Variants in CCDC88C observed in about 807,000 individuals in gnomAD.
The protein encoded by CCDC88C is coiled-coil and HOOK domain protein 88C.
Under a neutral mutation model 198.8 loss-of-function variants are expected in CCDC88C, and 131 were observed. The ratio of observed to expected loss-of-function variants is 0.66; its 90% CI spans 0.57 to 0.76. The LOEUF is 0.76. Among genes scored for constraint, CCDC88C ranks in the 30% least tolerant of loss-of-function variants. The pLI, the probability that CCDC88C is intolerant of heterozygous loss-of-function variation, is 0.00. For missense variants in CCDC88C, 2,553 were observed against 2,631.6 expected, an observed-to-expected ratio of 0.97 and a Z score of 0.65; for synonymous variants, 1,166 against 1,114.7, an observed-to-expected ratio of 1.05 and a Z score of -0.92.
chr14:91,376,325 A>G (rs545161239), intron 3 of CCDC88C, among the ~76,000 whole-genome samples: 4 of 152,246 alleles, frequency 2.6e-5, no homozygotes, highest in African/African-American at 9.6e-5. Context: ...TTGCACACTC[A>G]TGACTGCCTC....
chr14:91,315,071 C>G (rs757812762), intron 14 of CCDC88C, among the ~76,000 whole-genome samples: 1 of 152,192 alleles, frequency 6.6e-6, no homozygotes, highest in Non-Finnish European at 1.5e-5. Flanking sequence ...TTCTGGCCAA[C>G]GTGACGTCTA....
At chr14:91,312,511 C>T (rs1353315556) in intron 15 of CCDC88C, among the ~76,000 whole-genome samples, 5 of 152,150 alleles carry the variant, frequency 3.3e-5, no homozygotes, top group Admixed American at 6.5e-5. Context: ...GGTGAAAACC[C>T]GTCTCTACTA....
chr14:91,405,812 T>A (rs1464297546), intron 3 of CCDC88C, among the ~76,000 whole-genome samples: 2 of 152,236 alleles, frequency 1.3e-5, no homozygotes, highest in East Asian at 3.8e-4. Flanking sequence ...CAGAACACCG[T>A]CCACATGGAA....
intron 17 of CCDC88C, among the ~76,000 whole-genome samples, chr14:91,307,564 A>G (rs1891612424): frequency 6.6e-6 from 1 of 152,230 alleles, no homozygotes; most frequent in Admixed American, 6.5e-5. Context: ...GGAGGTGAAC[A>G]GGGATGAGGT....
chr14:91,293,158 T>C (rs77218441), intron 23 of CCDC88C, among the ~76,000 whole-genome samples: 354 of 6,214 alleles, frequency 0.057, 3 homozygotes, highest in Middle Eastern at 0.083. Context: ...TCACCTGCCA[T>C]AGCCCACCTT....
At chr14:91,297,519 G>A (rs1891062876) in intron 21 of CCDC88C, 28 bp from the exon 22 acceptor site, 1 of 1,548,674 alleles carries the variant, frequency 6.5e-7, no homozygotes, top group Non-Finnish European at 8.7e-7. Flanking sequence ...ACAGGGCAAA[G>A]GAGCTGAAGA....
At chr14:91,366,472 C>T (rs1894545911) in intron 3 of CCDC88C, among the ~76,000 whole-genome samples, 1 of 151,682 alleles carries the variant, frequency 6.6e-6, no homozygotes, top group Admixed American at 6.6e-5. Context: ...GGCAACAGAG[C>T]AAGACGGTCT....
At chr14:91,378,046 A>T (rs1376875606) in intron 3 of CCDC88C, among the ~76,000 whole-genome samples, 1 of 152,246 alleles carries the variant, frequency 6.6e-6, no homozygotes, top group Non-Finnish European at 1.5e-5. Flanking sequence ...CTGCCACATT[A>T]GAGGAGATAA....
intron 4 of CCDC88C, among the ~76,000 whole-genome samples, chr14:91,354,103 A>ATGG (rs1893932817): frequency 6.6e-6 from 1 of 152,134 alleles, no homozygotes; most frequent in Non-Finnish European, 1.5e-5. Context: ...GGGCTTCTAC[A>ATGG]CCTAAATGGC....
chr14:91,291,085 C>A lies in CCDC88C; in HGVS notation c.4113-1G>T. 6.6e-7 allele frequency: 1 copy of A among 1,510,480 alleles called. No individual in the cohort carries two copies. The highest frequency in any genetic ancestry group is 1.9e-5 in the Admixed American group (1 of 53,230). 93.6% of individuals were successfully genotyped at this position (1,510,480 alleles called of 1,614,324 possible). Reference sequence around the variant, plus strand: ...TCTTCGTAAGGCATTTAATTTGTCTCTGTGAATATAGGAGAAAGAAAACCT... The same window carrying A: ...TCTTCGTAAGGCATTTAATTTGTCTATGTGAATATAGGAGAAAGAAAACCT... On this transcript the variant is annotated splice_acceptor_variant, in intron 23 of 29. Coordinates refer to ENST00000389857, the MANE Select transcript of CCDC88C (RefSeq NM_001080414.4). LOFTEE classifies it high-confidence loss of function.
chr14:91,398,384 G>A (rs960816668), intron 3 of CCDC88C, among the ~76,000 whole-genome samples: 1 of 152,216 alleles, frequency 6.6e-6, no homozygotes, highest in African/African-American at 2.4e-5. Flanking sequence ...TGGCTGGCAT[G>A]GTGGCTCACG....
At chr14:91,364,175 T>C (rs964357315) in intron 3 of CCDC88C, among the ~76,000 whole-genome samples, 1 of 152,232 alleles carries the variant, frequency 6.6e-6, no homozygotes, top group African/African-American at 2.4e-5. Context: ...CACCGGTCCT[T>C]GTGGTCTGAT....
intron 3 of CCDC88C, chr14:91,384,504 T>A: frequency 1.9e-6 from 1 of 523,446 alleles, no homozygotes; most frequent in South Asian, 1.4e-5. Context: ...CTTCTTCCCC[T>A]TCCTCATCTG....
chr14:91,323,081 C>G (rs148799270), intron 12 of CCDC88C, among the ~76,000 whole-genome samples: 8,862 of 151,984 alleles, frequency 0.058, 279 homozygotes, highest in African/African-American at 0.071. Flanking sequence ...AATTTTTGTA[C>G]TTTTAGTAGA....
intron 3 of CCDC88C, among the ~76,000 whole-genome samples, chr14:91,380,958 T>C (rs988123063): frequency 6.6e-6 from 1 of 152,040 alleles, no homozygotes. Context: ...CCGGTAAGGG[T>C]GTAATAGCAT....
At chr14:91,376,817 G>C (rs750524576) in intron 3 of CCDC88C, among the ~76,000 whole-genome samples, 3 of 152,216 alleles carry the variant, frequency 2.0e-5, no homozygotes, top group Admixed American at 6.5e-5. Context: ...GGTAGGAAAG[G>C]ATGTCTGTCT....
chr14:91,300,342 G>A (rs1020897285), intron 20 of CCDC88C, among the ~76,000 whole-genome samples: 8 of 152,282 alleles, frequency 5.3e-5, no homozygotes, highest in East Asian at 1.9e-4. Context: ...TAAAGCAGTC[G>A]CTCTTCCTTT....
Position 91,381,276 on chromosome 14 carries a change from G to T in CCDC88C, c.271-21565C>A, listed in dbSNP as rs1245946039. ...CACCAGACCCCTCACACATGCCCGT[G>T]AGGGGGTCAAACTCCAAATCTCAAA... is the stretch of plus-strand genomic sequence containing the variant. On this transcript the variant is annotated intron_variant, in intron 3 of 29. Transcript: ENST00000389857. The surrounding 1 kb of genome is among the most constrained non-coding windows in gnomAD (Gnocchi z 4.2). Among the ~76,000 whole-genome samples, 1 of 152,198 alleles carries T rather than the reference G, an allele frequency of 6.6e-6. No homozygotes were observed. The highest frequency in any genetic ancestry group is 1.5e-5 in the Non-Finnish European group (1 of 68,042).
intron 3 of CCDC88C, among the ~76,000 whole-genome samples, chr14:91,369,801 G>A (rs1023639543): frequency 1.3e-5 from 2 of 152,084 alleles, no homozygotes; most frequent in South Asian, 2.1e-4. Flanking sequence ...ACCTCATTTC[G>A]ATTAATCCTG....
Sources: allele counts gnomAD v4.1 joint callset (sites outside exome capture counted in the v4.1 genomes callset), GRCh38; gene constraint gnomAD v4.1.1; non-coding constraint Gnocchi (gnomAD v3.1); transcripts MANE v1.5; gene names NCBI Gene and HGNC (gene_info 2026-07-23, HGNC 2026-07-21).